Variants in CSMD3 observed in about 807,000 individuals in gnomAD.
CSMD3 encodes CUB and Sushi multiple domains 3.
In CSMD3, 177 loss-of-function variants were observed where a neutral mutation model predicts 435.2. The observed-to-expected ratio is 0.41, with a 90% confidence interval of 0.36 to 0.46. CSMD3 has a LOEUF of 0.46. Among genes scored for constraint, CSMD3 ranks in the 20% least tolerant of loss-of-function variants. The probability of loss-of-function intolerance (pLI) is 0.34; values close to 1 mark genes in which losing one functional copy is unlikely to be tolerated. For missense variants in CSMD3, 4,265 were observed against 4,504.6 expected, an observed-to-expected ratio of 0.95 and a Z score of 1.52; for synonymous variants, 1,656 against 1,520.5, an observed-to-expected ratio of 1.09 and a Z score of -2.07.
chr8:112,533,130 A>G (rs1433321673), intron 27 of CSMD3, among the ~76,000 whole-genome samples: 1 of 152,082 alleles, frequency 6.6e-6, no homozygotes, highest in Non-Finnish European at 1.5e-5. Context: ...GAAAGTAAAA[A>G]TAAAAAGCAA....
rs771542064 is a variant in CSMD3, at chr8:112,311,105, C to G, written c.7758G>C (p.Gly2586=). 1 of 1,613,960 alleles carries G rather than the reference C, an allele frequency of 6.2e-7. No individual in the cohort carries two copies. Among genetic ancestry groups the G allele is most frequent in the Non-Finnish European group, 8.5e-7 (1 of 1,179,934 alleles). Residue 2586 remains glycine (G), a synonymous_variant, in exon 50 of 71, where the codon GGG becomes GGC. Coordinates refer to ENST00000297405, the MANE Select transcript of CSMD3 (RefSeq NM_198123.2). ...PHGYIISQTG[G]QLNSVVRWAC... is the part of the protein sequence containing the mutation. ...CCCAACGGACCACACTGTTAAGCTG[C>G]CCACCTGTCTGACTGATAATATATC... is the stretch of plus-strand genomic sequence containing the variant.
intron 53 of CSMD3, among the ~76,000 whole-genome samples, chr8:112,298,146 T>G (rs1820525815): frequency 6.6e-6 from 1 of 151,224 alleles, no homozygotes; most frequent in African/African-American, 2.4e-5. Context: ...CTCAATGTTT[T>G]TAGAAGCCAA....
intron 1 of CSMD3, among the ~76,000 whole-genome samples, chr8:113,339,794 G>C (rs2094104917): frequency 6.6e-6 from 1 of 151,784 alleles, no homozygotes; most frequent in African/African-American, 2.4e-5. Flanking sequence ...CAAGTTATTA[G>C]GTGAATAGAA....
At chr8:112,408,021 T>C (rs1453510240) in intron 34 of CSMD3, among the ~76,000 whole-genome samples, 1 of 151,940 alleles carries the variant, frequency 6.6e-6, no homozygotes, top group Non-Finnish European at 1.5e-5. Context: ...AGTGCTAGAC[T>C]GTTAGAAAAT....
In CSMD3 at chr8:112,910,050, CAG is replaced by C. The variant is rs373143798; in HGVS notation, c.1633+11575_1633+11576del. On this transcript the variant is annotated intron_variant, in intron 10 of 70. Coordinates refer to ENST00000297405, the MANE Select transcript of CSMD3 (RefSeq NM_198123.2). ...ATAAGGGAGAGACTCCCTAAGAAAA[CAG>C]AGTGTCATTTTAAGTTGTTTTCGGG... Among the ~76,000 whole-genome samples the C allele has an allele frequency of 1.3e-4, 19 of 151,862 alleles. No homozygotes were observed. In the East Asian group the frequency reaches 2.5e-3, roughly 20 times the overall value.
intron 66 of CSMD3, among the ~76,000 whole-genome samples, chr8:112,238,993 C>T (rs570523103): frequency 9.9e-5 from 15 of 152,006 alleles, no homozygotes; most frequent in Non-Finnish European, 2.1e-4. Context: ...AGATTGAAAA[C>T]CTAATTCAGG....
At chr8:112,370,728 C>T (rs1828309992) in intron 38 of CSMD3, among the ~76,000 whole-genome samples, 1 of 123,558 alleles carries the variant, frequency 8.1e-6, no homozygotes, top group Admixed American at 8.6e-5. Flanking sequence ...AACTCTCCAT[C>T]TATTTTTTTC....
At chr8:112,378,790 GAAGA>G (rs796462465) in intron 38 of CSMD3, among the ~76,000 whole-genome samples, 86 of 152,172 alleles carry the variant, frequency 5.7e-4, no homozygotes, top group African/African-American at 1.9e-3. Context: ...AAAATAATGA[GAAGA>G]AAGATTTGAA....
At chr8:112,930,857 C>A (rs1166016752) in intron 9 of CSMD3, among the ~76,000 whole-genome samples, 2 of 151,994 alleles carry the variant, frequency 1.3e-5, no homozygotes, top group African/African-American at 4.8e-5. Flanking sequence ...ACACTGACTA[C>A]CTATGTTTAA....
intron 23 of CSMD3, among the ~76,000 whole-genome samples, chr8:112,583,479 T>A (rs1238571764): frequency 2.0e-5 from 3 of 151,988 alleles, no homozygotes; most frequent in East Asian, 1.9e-4. Flanking sequence ...AAGGATTTTT[T>A]ATAAACAAAA....
At chr8:112,444,390 A>T (rs1372363297) in intron 32 of CSMD3, among the ~76,000 whole-genome samples, 1 of 152,350 alleles carries the variant, frequency 6.6e-6, no homozygotes, top group Admixed American at 6.5e-5. Flanking sequence ...AAATGACAAC[A>T]AAAAGATTTA....
chr8:113,223,164 G>T (rs2092989282), intron 3 of CSMD3, among the ~76,000 whole-genome samples: 1 of 149,704 alleles, frequency 6.7e-6, no homozygotes. Context: ...TATTATTTTT[G>T]AATGAATTAA....
chr8:112,328,613 T>C (rs73700622), intron 45 of CSMD3, among the ~76,000 whole-genome samples: 6,065 of 152,250 alleles, frequency 0.04, 401 homozygotes, highest in African/African-American at 0.14. Context: ...TTCTGTGTCC[T>C]GACCCAAATC....
chr8:113,132,420 C>T (rs1390064453), intron 4 of CSMD3, among the ~76,000 whole-genome samples: 1 of 151,976 alleles, frequency 6.6e-6, no homozygotes, highest in Non-Finnish European at 1.5e-5. Context: ...TACAGGTTTC[C>T]CCCTTGCTGT....
intron 35 of CSMD3, among the ~76,000 whole-genome samples, chr8:112,399,728 T>C (rs1008564450): frequency 2.0e-5 from 3 of 152,208 alleles, no homozygotes; most frequent in Admixed American, 2.0e-4. Flanking sequence ...CCACTTTTGT[T>C]ATAAAGTGGC....
intron 13 of CSMD3, among the ~76,000 whole-genome samples, chr8:112,719,422 T>A (rs771972075): frequency 6.6e-6 from 1 of 152,164 alleles, no homozygotes; most frequent in Non-Finnish European, 1.5e-5. Flanking sequence ...CAACAGGCAT[T>A]TATTTCTCAC....
At chr8:113,294,798 C>T (rs536836739) in intron 2 of CSMD3, among the ~76,000 whole-genome samples, 188 of 152,098 alleles carry the variant, frequency 1.2e-3, no homozygotes, top group African/African-American at 4.4e-3. Flanking sequence ...TAATAAAGGA[C>T]AATCCTAATT....
At chr8:113,010,457 T>C (rs2086217383) in intron 6 of CSMD3, among the ~76,000 whole-genome samples, 1 of 151,836 alleles carries the variant, frequency 6.6e-6, no homozygotes, top group South Asian at 2.1e-4. Context: ...TGCAAAATGA[T>C]CTATCATTTT....
intron 2 of CSMD3, among the ~76,000 whole-genome samples, chr8:113,291,418 G>C (rs1454552246): frequency 6.6e-6 from 1 of 151,710 alleles, no homozygotes; most frequent in Non-Finnish European, 1.5e-5. Context: ...TTTTAACACT[G>C]CATTTAAGGA....
Sources: gnomAD v4.1 joint callset for allele counts (sites outside exome capture counted in the v4.1 genomes callset) on GRCh38, gnomAD v4.1.1 for gene constraint, MANE v1.5 for transcripts, NCBI Gene and HGNC (gene_info 2026-07-23, HGNC 2026-07-21) for gene names.